ADK: variants seen among roughly 807,000 people sequenced by gnomAD.
ADK encodes N6,N6-dimethyladenosine kinase.
ADK carries 24 observed loss-of-function variants against 44.7 expected under a neutral mutation model. That is an observed-to-expected ratio of 0.54 (90% confidence interval 0.39 to 0.76). The LOEUF (loss-of-function observed/expected upper bound fraction) is 0.76. Ranked by LOEUF, ADK falls within the 30% of genes least tolerant of loss-of-function variation. The pLI, the probability that ADK is intolerant of heterozygous loss-of-function variation, is 0.00. For synonymous variants in ADK, 128 were observed against 142.6 expected, an observed-to-expected ratio of 0.90 and a Z score of 0.73; for missense variants, 321 against 425.1, an observed-to-expected ratio of 0.76 and a Z score of 2.15.
chr10:74,223,357 A>G (rs1374987540), intron 2 of ADK, among the ~76,000 whole-genome samples: 1 of 152,134 alleles, frequency 6.6e-6, no homozygotes, highest in African/African-American at 2.4e-5. Flanking sequence ...TGATCCAATT[A>G]CTTCTTAAAG....
chr10:74,308,261 CT>C (rs1362823067), intron 3 of ADK, among the ~76,000 whole-genome samples: 1 of 152,084 alleles, frequency 6.6e-6, no homozygotes, highest in African/African-American at 2.4e-5. Flanking sequence ...GCAATACATG[CT>C]TAAAATTGCT....
rs1856038179 is a variant in ADK, at chr10:74,692,707, A to G, written c.965-15614A>G. 2.0e-5 allele frequency among the ~76,000 whole-genome samples: 3 copies of G among 152,238 alleles called. No individual in the cohort carries two copies. The South Asian group carries it at 6.2e-4, about 32-fold the overall frequency. On this transcript the variant is annotated intron_variant, in intron 10 of 10. Transcript: ENST00000539909. ...ACCTTATTTTTACTGTACCTTTTCT[A>G]TGTTTAGATATGTATAGATACATAG...
chr10:74,534,476 C>G (rs757713317), intron 7 of ADK, among the ~76,000 whole-genome samples: 2 of 152,066 alleles, frequency 1.3e-5, no homozygotes, highest in Non-Finnish European at 2.9e-5. Flanking sequence ...CAATGTCAAG[C>G]CAGAGGAAGA....
chr10:74,395,989 C>CA lies in ADK; in HGVS notation c.446+1678dup, dbSNP rs1415333640. Among the ~76,000 whole-genome samples, 4 of 152,078 alleles carry CA rather than the reference C, an allele frequency of 2.6e-5. No individual in the cohort carries two copies. The East Asian group carries it at 7.7e-4, about 29-fold the overall frequency. ...TTGTGCTATTGCGCTCCAGCCTGGG[C>CA]AACAGAGCAAGATTCTGTCTCAAAA... On this transcript the variant is annotated intron_variant, in intron 5 of 10. Transcript: ENST00000539909.
At chr10:74,625,835 A>G (rs1853177803) in intron 9 of ADK, among the ~76,000 whole-genome samples, 1 of 152,178 alleles carries the variant, frequency 6.6e-6, no homozygotes, top group Non-Finnish European at 1.5e-5. Flanking sequence ...GTCATGGAGA[A>G]AGTTTATACT....
At chr10:74,372,342 G>A (rs1228338833) in intron 4 of ADK, 2 of 746,836 alleles carry the variant, frequency 2.7e-6, no homozygotes, top group African/African-American at 3.4e-5. Flanking sequence ...TGCTGAGCCT[G>A]CCACGGAAGG....
At chr10:74,707,298 A>T (rs1856637354) in intron 10 of ADK, among the ~76,000 whole-genome samples, 1 of 152,148 alleles carries the variant, frequency 6.6e-6, no homozygotes, top group Non-Finnish European at 1.5e-5. Context: ...GGCCTCTCAG[A>T]GTGCTGGGAT....
intron 6 of ADK, among the ~76,000 whole-genome samples, chr10:74,484,314 G>T (rs983478670): frequency 6.6e-6 from 1 of 152,088 alleles, no homozygotes; most frequent in Non-Finnish European, 1.5e-5. Context: ...TTGAGAACTC[G>T]CTCATTATCA....
intron 3 of ADK, among the ~76,000 whole-genome samples, chr10:74,260,827 G>A (rs10824133): frequency 0.24 from 36,796 of 152,050 alleles, 7,005 homozygotes; most frequent in African/African-American, 0.53. Flanking sequence ...CTCACATGTG[G>A]ATAAAAACTG....
intron 6 of ADK, among the ~76,000 whole-genome samples, chr10:74,510,614 T>C (rs1238581181): frequency 1.3e-5 from 2 of 152,220 alleles, no homozygotes; most frequent in African/African-American, 4.8e-5. Context: ...GCTTTTGAAG[T>C]TGTATTCATA....
intron 7 of ADK, among the ~76,000 whole-genome samples, chr10:74,577,839 T>C (rs1191626365): frequency 6.6e-6 from 1 of 152,208 alleles, no homozygotes; most frequent in Admixed American, 6.5e-5. Context: ...AAAGTTCATA[T>C]TCATCTAGAA....
At chr10:74,575,440 T>A (rs140309544) in intron 7 of ADK, among the ~76,000 whole-genome samples, 4 of 152,138 alleles carry the variant, frequency 2.6e-5, no homozygotes, top group African/African-American at 9.7e-5. Context: ...GGAGAGAACA[T>A]GAACAATTCA....
intron 4 of ADK, among the ~76,000 whole-genome samples, chr10:74,388,028 C>T (rs1289769684): frequency 2.6e-5 from 4 of 152,124 alleles, no homozygotes; most frequent in African/African-American, 9.7e-5. Context: ...CTTACCTCAG[C>T]CTCCTGAGTA....
intron 6 of ADK, among the ~76,000 whole-genome samples, chr10:74,432,650 C>T (rs752858720): frequency 7.2e-5 from 11 of 152,078 alleles, no homozygotes; most frequent in South Asian, 2.1e-4. Flanking sequence ...TCATCTATAA[C>T]GTCTGTTACT....
At chr10:74,571,000 G>A (rs1850933472) in intron 7 of ADK, among the ~76,000 whole-genome samples, 2 of 152,214 alleles carry the variant, frequency 1.3e-5, no homozygotes, top group African/African-American at 2.4e-5. Context: ...AGCATGAAGA[G>A]TTGTTGAATT....
chr10:74,482,110 T>G (rs1409311019), intron 6 of ADK, among the ~76,000 whole-genome samples: 1 of 152,216 alleles, frequency 6.6e-6, no homozygotes, highest in East Asian at 1.9e-4. Context: ...AGTCCTTTCT[T>G]GCACTACTAT....
At chr10:74,277,841 T>C (rs936267045) in intron 3 of ADK, among the ~76,000 whole-genome samples, 1 of 152,234 alleles carries the variant, frequency 6.6e-6, no homozygotes, top group African/African-American at 2.4e-5. Context: ...TTAGAAATTT[T>C]TTAGATTTAT....
intron 8 of ADK, among the ~76,000 whole-genome samples, chr10:74,590,774 A>T (rs938250447): frequency 1.3e-5 from 2 of 152,142 alleles, no homozygotes; most frequent in Non-Finnish European, 1.5e-5. Context: ...ACAAAATGTA[A>T]TCATGGGAAT....
At chr10:74,366,155 T>G (rs1052092300) in intron 4 of ADK, among the ~76,000 whole-genome samples, 1 of 152,202 alleles carries the variant, frequency 6.6e-6, no homozygotes, top group Non-Finnish European at 1.5e-5. Flanking sequence ...TATTTTGACT[T>G]TTGATGTTAT....
Sources: allele counts gnomAD v4.1 joint callset (sites outside exome capture counted in the v4.1 genomes callset), GRCh38; gene constraint gnomAD v4.1.1; transcripts MANE v1.5; gene names NCBI Gene and HGNC (gene_info 2026-07-23, HGNC 2026-07-21).